SCHIP1: variants seen among roughly 807,000 people sequenced by gnomAD.
SCHIP1 encodes schwannomin-interacting protein 1.
SCHIP1 carries 8 observed loss-of-function variants against 29.7 expected under a neutral mutation model. That is an observed-to-expected ratio of 0.27 (90% CI 0.16 to 0.49). The LOEUF (loss-of-function observed/expected upper bound fraction) is 0.49, where lower values mean the gene tolerates loss of function less well. SCHIP1 is among the 20% of genes least tolerant of loss of function. The pLI is 0.99. For synonymous variants in SCHIP1, 76 were observed against 94.9 expected, an observed-to-expected ratio of 0.80 and a Z score of 1.16; for missense variants, 193 against 294.6, an observed-to-expected ratio of 0.66 and a Z score of 2.52.
At chr3:159,823,412 G>T in the SCHIP1 span, among the ~76,000 whole-genome samples, 1 of 152,250 alleles carries the variant, frequency 6.6e-6, no homozygotes, top group Non-Finnish European at 1.5e-5. Flanking sequence ...TAAACTTGAA[G>T]CAGTTATGCT....
At chr3:159,478,859 C>T in the SCHIP1 span, among the ~76,000 whole-genome samples, 2 of 151,986 alleles carry the variant, frequency 1.3e-5, no homozygotes, top group Admixed American at 1.3e-4. Flanking sequence ...ATATTTGGAT[C>T]ATTTATTACT....
the SCHIP1 span, among the ~76,000 whole-genome samples, chr3:159,479,836 G>A: frequency 6.6e-6 from 1 of 152,118 alleles, no homozygotes; most frequent in South Asian, 2.1e-4. Flanking sequence ...TGCACTCATG[G>A]AGCCTCTATA....
At chr3:159,674,289 G>T in the SCHIP1 span, among the ~76,000 whole-genome samples, 1 of 152,258 alleles carries the variant, frequency 6.6e-6, no homozygotes, top group East Asian at 1.9e-4. Flanking sequence ...AACAAACTGT[G>T]GCTAGAAGGG....
the SCHIP1 span, among the ~76,000 whole-genome samples, chr3:159,810,112 C>G: frequency 6.6e-6 from 1 of 152,230 alleles, no homozygotes; most frequent in Non-Finnish European, 1.5e-5. Context: ...GTGGCGTGAT[C>G]TCAGCTCACT....
At position 159,866,384 on chromosome 3, in the gene SCHIP1, T is replaced by TC. The variant is rs1300515074; in HGVS notation, c.149+108dup. On this transcript the variant is annotated intron_variant, in intron 2 of 6. Coordinates refer to ENST00000445224, the Ensembl canonical transcript of SCHIP1. The stretch of plus-strand genomic sequence containing the variant: ...CTTTAAATCTTCTGTAGTTTTTTTT[T>TC]CCCCCTCGCATAATACTGCCATCTT... 5.4e-5 allele frequency: 61 copies of TC among 1,132,096 alleles called. No homozygotes were observed. In the African/African-American group the frequency reaches 7.9e-4, roughly 15 times the overall value. The allele number at this position is 1,132,096 out of a possible 1,614,324, so 70.1% of individuals were successfully genotyped here. A position where few individuals can be genotyped will look rare whatever the true frequency, so the allele number is the denominator to read the frequency against.
At chr3:159,618,577 G>A in the SCHIP1 span, among the ~76,000 whole-genome samples, 21 of 152,226 alleles carry the variant, frequency 1.4e-4, no homozygotes, top group Admixed American at 1.4e-3. Flanking sequence ...TATTAAGTAT[G>A]TGGCATTCGT....
the SCHIP1 span, among the ~76,000 whole-genome samples, chr3:159,790,993 C>T: frequency 1.3e-5 from 2 of 152,116 alleles, no homozygotes; most frequent in Non-Finnish European, 2.9e-5. Flanking sequence ...GCCCTAAAAC[C>T]GCTTCTGAGA....
the SCHIP1 span, among the ~76,000 whole-genome samples, chr3:159,555,528 A>G: frequency 6.6e-6 from 1 of 152,180 alleles, no homozygotes; most frequent in Admixed American, 6.5e-5. Flanking sequence ...TATATTGGGT[A>G]ATTTGTAACC....
the SCHIP1 span, among the ~76,000 whole-genome samples, chr3:159,819,311 G>A: frequency 1.3e-5 from 2 of 152,186 alleles, no homozygotes; most frequent in African/African-American, 4.8e-5. Context: ...AGCCTCTGTG[G>A]TAGCAGGTAT....
At chr3:159,730,943 C>T in the SCHIP1 span, among the ~76,000 whole-genome samples, 1 of 152,206 alleles carries the variant, frequency 6.6e-6, no homozygotes, top group Admixed American at 6.5e-5. Context: ...CATGCTTGTT[C>T]CATGCTGGGA....
At chr3:159,799,375 T>C in the SCHIP1 span, among the ~76,000 whole-genome samples, 1 of 152,200 alleles carries the variant, frequency 6.6e-6, no homozygotes, top group Non-Finnish European at 1.5e-5. Flanking sequence ...AGCATCAACT[T>C]CTCTCTCATC....
the SCHIP1 span, among the ~76,000 whole-genome samples, chr3:159,423,874 C>T: frequency 2.8e-4 from 42 of 152,034 alleles, no homozygotes; most frequent in Non-Finnish European, 4.7e-4. Flanking sequence ...TTCAGAGGAA[C>T]GATCAGACAG....
At chr3:159,340,387 A>G in the SCHIP1 span, among the ~76,000 whole-genome samples, 1 of 152,090 alleles carries the variant, frequency 6.6e-6, no homozygotes, top group East Asian at 1.9e-4. Flanking sequence ...AATTCAATTT[A>G]TATTGTTTCA....
the SCHIP1 span, among the ~76,000 whole-genome samples, chr3:159,644,160 G>C: frequency 6.6e-6 from 1 of 152,020 alleles, no homozygotes; most frequent in Non-Finnish European, 1.5e-5. Flanking sequence ...TACTCTAATA[G>C]AGAATTCGTT....
the SCHIP1 span, among the ~76,000 whole-genome samples, chr3:159,699,131 A>T: frequency 6.6e-6 from 1 of 152,262 alleles, no homozygotes; most frequent in African/African-American, 2.4e-5. Context: ...CTAGGAACAT[A>T]GCATGAGTAT....
the SCHIP1 span, among the ~76,000 whole-genome samples, chr3:159,609,934 C>A: frequency 2.0e-4 from 30 of 152,150 alleles, 1 homozygote; most frequent in African/African-American, 7.0e-4. Context: ...TGATGGGAAA[C>A]GATGAAATGG....
chr3:159,595,122 T>C, the SCHIP1 span, among the ~76,000 whole-genome samples: 1 of 152,126 alleles, frequency 6.6e-6, no homozygotes, highest in East Asian at 1.9e-4. Context: ...AGAACATCTA[T>C]AAAGACTGGT....
At chr3:159,518,249 T>C in the SCHIP1 span, among the ~76,000 whole-genome samples, 6 of 152,058 alleles carry the variant, frequency 3.9e-5, no homozygotes, top group Non-Finnish European at 5.9e-5. Flanking sequence ...AAAACACACC[T>C]ATGAAAGTGA....
At chr3:159,295,443 A>G in the SCHIP1 span, among the ~76,000 whole-genome samples, 2 of 151,948 alleles carry the variant, frequency 1.3e-5, no homozygotes, top group African/African-American at 2.4e-5. Flanking sequence ...AAGTCAATCA[A>G]TCAATCAATC....
Sources: allele counts gnomAD v4.1 joint callset (sites outside exome capture counted in the v4.1 genomes callset), GRCh38; gene constraint gnomAD v4.1.1; transcripts MANE v1.5; gene names NCBI Gene and HGNC (gene_info 2026-07-23, HGNC 2026-07-21).